JARID2: variants seen among roughly 807,000 people sequenced by gnomAD.
The protein encoded by JARID2 is jumonji and AT-rich interaction domain containing 2.
A neutral mutation model predicts 125.6 loss-of-function variants in JARID2; 21 were observed. The ratio of observed to expected loss-of-function variants is 0.17; its 90% CI spans 0.12 to 0.24. The LOEUF (loss-of-function observed/expected upper bound fraction) is 0.24. Among genes scored for constraint, JARID2 ranks in the 10% least tolerant of loss-of-function variants. JARID2 has a pLI of 1.00. For synonymous variants in JARID2, 736 were observed against 661.6 expected (o/e 1.11, Z -1.73); for missense variants, 1,303 against 1,639.6 (o/e 0.79, Z 3.55).
intron 3 of JARID2, among the ~76,000 whole-genome samples, chr6:15,419,229 C>T (rs1206861323): frequency 6.6e-6 from 1 of 152,138 alleles, no homozygotes; most frequent in East Asian, 1.9e-4. Flanking sequence ...TTTGTTCTTA[C>T]AACCTGGAGA....
At chr6:15,505,605 T>G (rs1296482557) in intron 9 of JARID2, among the ~76,000 whole-genome samples, 1 of 152,178 alleles carries the variant, frequency 6.6e-6, no homozygotes, top group Non-Finnish European at 1.5e-5. Context: ...CTTCCTAGTG[T>G]GGGGAATAGA....
intron 1 of JARID2, among the ~76,000 whole-genome samples, chr6:15,347,741 C>T (rs1341542930): frequency 6.6e-6 from 1 of 152,094 alleles, no homozygotes; most frequent in Non-Finnish European, 1.5e-5. Context: ...TTTTTCAGAG[C>T]GGATCTCGCT....
At chr6:15,363,046 G>A (rs1016407404) in intron 1 of JARID2, among the ~76,000 whole-genome samples, 10 of 152,130 alleles carry the variant, frequency 6.6e-5, no homozygotes, top group Non-Finnish European at 1.5e-4. Context: ...ATTATGATTG[G>A]AGATAAGGGG....
Position 15,512,407 on chromosome 6 carries a change from T to G in JARID2, c.3135+17T>G, listed in dbSNP as rs1561917766. On this transcript the variant is annotated intron_variant, in intron 14 of 17. Coordinates refer to ENST00000341776, the MANE Select transcript of JARID2 (RefSeq NM_004973.4). ...ACCGCCAAGGTGAGCAGAGCCGGCC[T>G]CCTCCCGCTTGCTGCCCCCGCATCC... The G allele has an allele frequency of 1.9e-6, 3 of 1,610,048 alleles. No individual in the cohort carries two copies. The highest frequency in any genetic ancestry group is 2.2e-5 in the East Asian group (1 of 44,766).
At chr6:15,514,214 A>G (rs993927037) in intron 16 of JARID2, among the ~76,000 whole-genome samples, 2 of 152,008 alleles carry the variant, frequency 1.3e-5, no homozygotes, top group Admixed American at 6.5e-5. Context: ...TTGACCTCTC[A>G]CCAGAGAGCT....
At chr6:15,508,594 G>A (rs1771119228) in intron 12 of JARID2, 140 bp downstream of exon 12, 1 of 615,828 alleles carries the variant, frequency 1.6e-6, no homozygotes, top group South Asian at 1.9e-5. Context: ...CCTGTCCTGC[G>A]TTCCCTGCCG....
At chr6:15,361,539 G>GT (rs1581456103) in intron 1 of JARID2, among the ~76,000 whole-genome samples, 1 of 152,114 alleles carries the variant, frequency 6.6e-6, no homozygotes, top group Non-Finnish European at 1.5e-5. Flanking sequence ...AGGAAGAATC[G>GT]TAACTTTGCT....
chr6:15,249,359 G>A (rs1291557132), intron 1 of JARID2, among the ~76,000 whole-genome samples: 1 of 151,996 alleles, frequency 6.6e-6, no homozygotes, highest in African/African-American at 2.4e-5. Context: ...TTGCTGTGCC[G>A]GCTCTGTACC....
intron 9 of JARID2, among the ~76,000 whole-genome samples, chr6:15,506,300 T>TC (rs1288250183): frequency 6.6e-6 from 1 of 152,220 alleles, no homozygotes; most frequent in Non-Finnish European, 1.5e-5. Flanking sequence ...GCTTGGGCAC[T>TC]CAGGGAGTCT....
At chr6:15,288,472 A>G (rs1466103428) in intron 1 of JARID2, among the ~76,000 whole-genome samples, 2 of 152,218 alleles carry the variant, frequency 1.3e-5, no homozygotes, top group Non-Finnish European at 2.9e-5. Context: ...ACATTTCAAC[A>G]TGAAATTTGA....
chr6:15,282,678 C>A (rs953623390), intron 1 of JARID2, among the ~76,000 whole-genome samples: 3 of 152,208 alleles, frequency 2.0e-5, no homozygotes, highest in Admixed American at 2.0e-4. Flanking sequence ...GATCTCAGCT[C>A]ACCGCAACCT....
At chr6:15,294,611 C>CGT (rs111858602) in intron 1 of JARID2, among the ~76,000 whole-genome samples, 5 of 152,188 alleles carry the variant, frequency 3.3e-5, no homozygotes, top group African/African-American at 1.2e-4. Flanking sequence ...GTTGTGTGTG[C>CGT]GTGTGCATCA....
chr6:15,484,480 GATTT>G (rs1262538483), intron 5 of JARID2, among the ~76,000 whole-genome samples: 2 of 152,210 alleles, frequency 1.3e-5, no homozygotes, highest in Admixed American at 1.3e-4. Flanking sequence ...GGCAAAAAGA[GATTT>G]GCCCACAATC....
At chr6:15,418,296 C>T (rs762607269) in intron 3 of JARID2, among the ~76,000 whole-genome samples, 57 of 149,788 alleles carry the variant, frequency 3.8e-4, no homozygotes, top group Non-Finnish European at 1.0e-4. Context: ...CGTCTCACTG[C>T]ACCCTCCGCC....
intron 1 of JARID2, among the ~76,000 whole-genome samples, chr6:15,255,625 A>G (rs148440326): frequency 6.6e-6 from 1 of 151,936 alleles, no homozygotes; most frequent in Non-Finnish European, 1.5e-5. Flanking sequence ...CTGAAGTGGT[A>G]GTGTATTATC....
chr6:15,380,684 G>A (rs1764546751), intron 2 of JARID2, among the ~76,000 whole-genome samples: 1 of 152,048 alleles, frequency 6.6e-6, no homozygotes, highest in South Asian at 2.1e-4. Flanking sequence ...CACCCCCCAA[G>A]CCCCCTTTAA....
At chr6:15,399,902 A>G (rs1204733807) in intron 2 of JARID2, among the ~76,000 whole-genome samples, 1 of 152,210 alleles carries the variant, frequency 6.6e-6, no homozygotes, top group Non-Finnish European at 1.5e-5. Flanking sequence ...TGTTGAGAGC[A>G]TGTGTTTTGG....
chr6:15,511,622 CTTGT>C (rs1054387236), intron 13 of JARID2, among the ~76,000 whole-genome samples: 6 of 152,102 alleles, frequency 3.9e-5, no homozygotes, highest in South Asian at 2.1e-4. Flanking sequence ...TGTTTTGGGG[CTTGT>C]TTGTGTTGTG....
rs1024333449 is a variant in JARID2, at chr6:15,246,311, A to G, written c.-229A>G. On this transcript the variant is annotated 5_prime_UTR_variant, in exon 1 of 18. Transcript: ENST00000341776. The stretch of plus-strand genomic sequence containing the variant: ...CATTATGAGTGTTTTACTAAAGTGA[A>G]TTTTTTTTTGTTTGCTTCGTTCGTC... The G allele has an allele frequency of 3.5e-6, 2 of 564,016 alleles. No individual in the cohort carries two copies. Among genetic ancestry groups the G allele is most frequent in the Non-Finnish European group, 6.2e-6 (2 of 321,062 alleles). 34.9% of individuals were successfully genotyped at this position (564,016 alleles called of 1,614,324 possible). A position where few individuals can be genotyped will look rare whatever the true frequency, so the allele number is the denominator to read the frequency against.
Sources: gnomAD v4.1 joint callset for allele counts (sites outside exome capture counted in the v4.1 genomes callset) on GRCh38, gnomAD v4.1.1 for gene constraint, MANE v1.5 for transcripts, NCBI Gene and HGNC (gene_info 2026-07-23, HGNC 2026-07-21) for gene names.